ESRRG: variants seen among roughly 807,000 people sequenced by gnomAD.
The protein encoded by ESRRG is estrogen related receptor gamma.
ESRRG carries 13 observed loss-of-function variants against 44.0 expected under a neutral mutation model. The observed-to-expected ratio is 0.30, with a 90% CI of 0.19 to 0.47. The LOEUF is 0.47. Among genes scored for constraint, ESRRG ranks in the 20% least tolerant of loss-of-function variants. The probability of loss-of-function intolerance (pLI) is 1.00; values close to 1 mark genes in which losing one functional copy is unlikely to be tolerated. For synonymous variants in ESRRG, 215 were observed against 214.6 expected (o/e 1.00, Z -0.02); for missense variants, 395 against 580.6 (o/e 0.68, Z 3.29).
chr1:216,683,904 G>A (rs1020447423), intron 1 of ESRRG, among the ~76,000 whole-genome samples: 60 of 152,078 alleles, frequency 3.9e-4, no homozygotes, highest in African/African-American at 1.3e-3. Flanking sequence ...CCCTAAATCC[G>A]AGGTAAACCA....
At chr1:216,806,535 C>T (rs920263017) in intron 2 of ESRRG, among the ~76,000 whole-genome samples, 1 of 152,146 alleles carries the variant, frequency 6.6e-6, no homozygotes, top group Non-Finnish European at 1.5e-5. Flanking sequence ...CAACGTGAGG[C>T]ATGACGATGC....
At chr1:216,760,075 T>C (rs993516164) in intron 2 of ESRRG, among the ~76,000 whole-genome samples, 2 of 152,064 alleles carry the variant, frequency 1.3e-5, no homozygotes, top group African/African-American at 4.8e-5. Flanking sequence ...ATCCTGTGCA[T>C]GTCTTCCACA....
chr1:217,065,928 C>T (rs1393364481), intron 1 of ESRRG, among the ~76,000 whole-genome samples: 5 of 152,102 alleles, frequency 3.3e-5, no homozygotes, highest in Non-Finnish European at 7.4e-5. Context: ...GTTGTCATTG[C>T]CCTGTTCCTT....
chr1:216,640,549 T>C (rs1239173596), intron 3 of ESRRG, among the ~76,000 whole-genome samples: 1 of 151,578 alleles, frequency 6.6e-6, no homozygotes, highest in Non-Finnish European at 1.5e-5. Context: ...CAGAACAGTC[T>C]CTCAAAAAAT....
intron 2 of ESRRG, among the ~76,000 whole-genome samples, chr1:216,937,396 T>A (rs1280670411): frequency 6.6e-6 from 1 of 152,176 alleles, no homozygotes; most frequent in African/African-American, 2.4e-5. Context: ...AAAGGTTTCA[T>A]TGATTAGTTG....
intron 2 of ESRRG, among the ~76,000 whole-genome samples, chr1:216,867,203 C>T (rs2149166901): frequency 6.6e-6 from 1 of 152,170 alleles, no homozygotes; most frequent in Admixed American, 6.5e-5. Flanking sequence ...AATCACTTGT[C>T]CAACATCTTG....
intron 2 of ESRRG, among the ~76,000 whole-genome samples, chr1:216,851,421 C>T (rs758321938): frequency 6.6e-6 from 1 of 152,148 alleles, no homozygotes; most frequent in African/African-American, 2.4e-5. Flanking sequence ...CTCCCCACTC[C>T]CCACCAGGTA....
At chr1:216,673,259 A>G (rs1000479812) in intron 2 of ESRRG, among the ~76,000 whole-genome samples, 1 of 152,236 alleles carries the variant, frequency 6.6e-6, no homozygotes, top group Non-Finnish European at 1.5e-5. Context: ...GGCCACAGAA[A>G]GGAGGGGCCG....
At chr1:216,911,022 C>T (rs2060245941) in intron 2 of ESRRG, among the ~76,000 whole-genome samples, 2 of 152,080 alleles carry the variant, frequency 1.3e-5, no homozygotes, top group South Asian at 4.2e-4. Flanking sequence ...GTGCACTTTA[C>T]ACATGTTTAT....
intron 1 of ESRRG, among the ~76,000 whole-genome samples, chr1:216,985,988 C>CAAAG (rs2074800267): frequency 1.3e-5 from 2 of 152,178 alleles, no homozygotes; most frequent in Admixed American, 6.5e-5. Context: ...AGCTTGACCA[C>CAAAG]AAAGCTAAAG....
chr1:216,968,310 A>G (rs1465661657), intron 1 of ESRRG, among the ~76,000 whole-genome samples: 4 of 152,160 alleles, frequency 2.6e-5, no homozygotes, highest in Non-Finnish European at 5.9e-5. Flanking sequence ...TGGCATACCC[A>G]AAGTCATTTA....
chr1:216,604,316 A>G (rs940050695), intron 3 of ESRRG, among the ~76,000 whole-genome samples: 20 of 152,338 alleles, frequency 1.3e-4, no homozygotes, highest in African/African-American at 4.8e-4. Context: ...TTGGACTGAG[A>G]CTGGTATCAG....
At chr1:216,881,751 T>C (rs2096451952) in intron 2 of ESRRG, among the ~76,000 whole-genome samples, 1 of 152,024 alleles carries the variant, frequency 6.6e-6, no homozygotes, top group African/African-American at 2.4e-5. Context: ...CACAAATATA[T>C]GAAAGGAGGA....
intron 1 of ESRRG, among the ~76,000 whole-genome samples, chr1:217,004,863 G>C (rs534995406): frequency 6.6e-6 from 1 of 152,020 alleles, no homozygotes; most frequent in Non-Finnish European, 1.5e-5. Context: ...TTGAAATCAC[G>C]GGACTAAAAA....
chr1:216,792,477 A>G (rs991074706), intron 2 of ESRRG, among the ~76,000 whole-genome samples: 6 of 152,174 alleles, frequency 3.9e-5, no homozygotes, highest in African/African-American at 1.4e-4. Flanking sequence ...GATTGCTTCA[A>G]AAACAACTAT....
At chr1:216,610,871 C>T (rs1330267032) in intron 3 of ESRRG, among the ~76,000 whole-genome samples, 1 of 152,062 alleles carries the variant, frequency 6.6e-6, no homozygotes, top group Non-Finnish European at 1.5e-5. Flanking sequence ...CCCAGGTTTA[C>T]TTACCTTAAA....
intron 1 of ESRRG, among the ~76,000 whole-genome samples, chr1:217,074,378 G>C (rs2090987163): frequency 6.8e-6 from 1 of 147,688 alleles, no homozygotes; most frequent in Non-Finnish European, 1.5e-5. Context: ...CCTCTGCCTT[G>C]ACCCTACCAA....
chr1:217,041,288 C>T (rs558080261), intron 1 of ESRRG, among the ~76,000 whole-genome samples: 1 of 152,104 alleles, frequency 6.6e-6, no homozygotes, highest in Non-Finnish European at 1.5e-5. Flanking sequence ...TGCCAAAAGC[C>T]CTTTTTCCTC....
chr1:217,045,504 C>A (rs750537849), intron 1 of ESRRG, among the ~76,000 whole-genome samples: 2 of 152,166 alleles, frequency 1.3e-5, no homozygotes, highest in Non-Finnish European at 2.9e-5. Context: ...CATTAACTAC[C>A]CTTGGGACCT....
Sources: gnomAD v4.1 joint callset for allele counts (sites outside exome capture counted in the v4.1 genomes callset) on GRCh38, gnomAD v4.1.1 for gene constraint, MANE v1.5 for transcripts, NCBI Gene and HGNC (gene_info 2026-07-23, HGNC 2026-07-21) for gene names.